CCDC83: variants seen among roughly 807,000 people sequenced by gnomAD.
CCDC83 encodes coiled-coil domain containing 83, also known as coiled-coil domain-containing protein 83.
A neutral mutation model predicts 50.1 loss-of-function variants in CCDC83; 54 were observed. The observed-to-expected ratio is 1.08, with a 90% CI of 0.87 to 1.35. CCDC83 has a LOEUF of 1.35. Among genes scored for constraint, CCDC83 ranks in the 40% most tolerant of loss-of-function variants. The probability of loss-of-function intolerance (pLI) is 0.00; values close to 1 mark genes in which losing one functional copy is unlikely to be tolerated. For missense variants in CCDC83, 518 were observed against 473.9 expected, an observed-to-expected ratio of 1.09 and a Z score of -0.86; for synonymous variants, 161 against 153.3, an observed-to-expected ratio of 1.05 and a Z score of -0.37.
intron 5 of CCDC83, among the ~76,000 whole-genome samples, chr11:85,891,537 C>T (rs868734897): frequency 1.1e-4 from 17 of 152,192 alleles, no homozygotes; most frequent in African/African-American, 3.1e-4. Flanking sequence ...ATTACAGTCA[C>T]AGAGCATTTT....
At chr11:85,867,582 C>T (rs1006812096) in intron 2 of CCDC83, among the ~76,000 whole-genome samples, 6 of 152,190 alleles carry the variant, frequency 3.9e-5, no homozygotes, top group Admixed American at 1.3e-4. Context: ...TATTCATACT[C>T]ATTTCTCAAC....
At chr11:85,898,877 C>A (rs779600367) in intron 6 of CCDC83, 70 bp from the exon 7 acceptor site, 3 of 976,692 alleles carry the variant, frequency 3.1e-6, no homozygotes, top group Admixed American at 1.9e-5. Context: ...AGAATAACTG[C>A]ACATCACTAT....
At chr11:85,917,159 AGAGAGAG>A (rs2093482153) in intron 10 of CCDC83, among the ~76,000 whole-genome samples, 1 of 101,720 alleles carries the variant, frequency 9.8e-6, no homozygotes, top group Non-Finnish European at 2.1e-5. Flanking sequence ...AGAGAGAGAG[AGAGAGAG>A]AGAAAGAAAG....
At chr11:85,917,204 A>AAGAC (rs1279738873) in intron 10 of CCDC83, among the ~76,000 whole-genome samples, 1 of 129,018 alleles carries the variant, frequency 7.8e-6, no homozygotes, top group East Asian at 2.0e-4. Context: ...GAAAGAAAGA[A>AAGAC]AGAAGGAAAG....
rs1031054852 is a variant in CCDC83 at position 85,901,636 on chromosome 11, C to G, written c.672+2621C>G. Among the ~76,000 whole-genome samples the G allele has an allele frequency of 3.6e-4, 38 of 106,970 alleles. 1 individual carries two copies. The highest frequency in any genetic ancestry group is 1.4e-3 in the African/African-American group (35 of 25,306). The allele number at this position is 106,970 out of a possible 152,430, so 70.2% of individuals were successfully genotyped here. A position where few individuals can be genotyped will look rare whatever the true frequency, so the allele number is the denominator to read the frequency against. On this transcript the variant is annotated intron_variant, in intron 7 of 10. Transcript: ENST00000342404. ...ACAAATCTCAAAACAGGGAAGACCA[C>G]AATACAAAAAAAAAAAAGGAAGAAG...
At chr11:85,882,404 CA>C (rs1384081296) in intron 3 of CCDC83, 108 bp from the exon 4 acceptor site, 1 of 986,748 alleles carries the variant, frequency 1.0e-6, no homozygotes, top group Non-Finnish European at 1.5e-6. Flanking sequence ...CCAGGCTTCC[CA>C]CTTGCCTTCC....
intron 4 of CCDC83, among the ~76,000 whole-genome samples, chr11:85,885,904 G>A (rs943251959): frequency 9.2e-5 from 14 of 152,140 alleles, no homozygotes; most frequent in Non-Finnish European, 1.5e-4. Context: ...CCCTTATCAG[G>A]AATGATGTAA....
chr11:85,912,566 C>G, intron 8 of CCDC83: 1 of 795,810 alleles, frequency 1.3e-6, no homozygotes, highest in South Asian at 1.4e-5. Flanking sequence ...TGAGCTGATG[C>G]CCTAGAGGGC....
chr11:85,882,544 A>T lies in CCDC83; in HGVS notation c.212A>T (p.His71Leu). ...CGCTTAAAAGAAGAACAGATTTGGC[A>T]CATACGGCATCTACTAAAGGAACTG... ...NSRLKEEQIWHIRHLLKELSE... is the reference protein window; with the variant it reads ...NSRLKEEQIWLIRHLLKELSE... The change falls in exon 4 of 11, where the codon CAC becomes CTC. Residue 71 changes from histidine (H) to leucine (L), a missense_variant. His to Leu is a moderately conservative substitution (Grantham distance 99, BLOSUM62 -3). Coordinates refer to ENST00000342404, the MANE Select transcript of CCDC83 (RefSeq NM_001286159.2). 1.2e-6 allele frequency: 2 copies of T among 1,613,980 alleles called. No individual in the cohort carries two copies. Among genetic ancestry groups the T allele is most frequent in the Non-Finnish European group, 1.7e-6 (2 of 1,179,896 alleles).
chr11:85,909,017 T>A (rs573440864), intron 7 of CCDC83, among the ~76,000 whole-genome samples: 1 of 152,192 alleles, frequency 6.6e-6, no homozygotes, highest in Non-Finnish European at 1.5e-5. Flanking sequence ...CACTGTAACA[T>A]TGAACTTCTG....
intron 5 of CCDC83, among the ~76,000 whole-genome samples, chr11:85,888,269 G>GGATACCTATT (rs1425408112): frequency 6.6e-6 from 1 of 152,276 alleles, no homozygotes; most frequent in Admixed American, 6.5e-5. Context: ...GTATGCATGA[G>GGATACCTATT]GATACCTATT....
At chr11:85,896,091 T>C (rs2093373716) in intron 6 of CCDC83, among the ~76,000 whole-genome samples, 1 of 152,152 alleles carries the variant, frequency 6.6e-6, no homozygotes, top group Non-Finnish European at 1.5e-5. Flanking sequence ...GGAATATTTG[T>C]ATTATACCAG....
At chr11:85,915,349 A>C (rs2093472764) in intron 8 of CCDC83, 70 bp from the exon 9 acceptor site, 1 of 1,067,310 alleles carries the variant, frequency 9.4e-7, no homozygotes, top group African/African-American at 1.6e-5. Context: ...TAGTAGAGAG[A>C]TAGACCCTAG....
chr11:85,855,244 C>G (rs2093132510), upstream of CCDC83: 4 of 152,392 alleles, frequency 2.6e-5, no homozygotes, highest in Admixed American at 2.6e-4. Context: ...GGCCTCTTTT[C>G]TTGGCCCCCG....
At chr11:85,860,285 GA>G (rs2093168157) in intron 1 of CCDC83, among the ~76,000 whole-genome samples, 1 of 134,440 alleles carries the variant, frequency 7.4e-6, no homozygotes, top group Non-Finnish European at 1.5e-5. Flanking sequence ...CTGGGCAACA[GA>G]GTGAGACTCC....
intron 5 of CCDC83, among the ~76,000 whole-genome samples, chr11:85,888,354 TCTCATTGTAG>T (rs1311201449): frequency 6.6e-6 from 1 of 152,200 alleles, no homozygotes; most frequent in Non-Finnish European, 1.5e-5. Flanking sequence ...GAAAATGGTA[TCTCATTGTAG>T]TTTTAATTTC....
intron 2 of CCDC83, among the ~76,000 whole-genome samples, chr11:85,869,995 C>G (rs1268385389): frequency 2.0e-5 from 3 of 152,204 alleles, no homozygotes; most frequent in Non-Finnish European, 1.5e-5. Context: ...AGGCCTGCTG[C>G]TGCCACTCAC....
Position 85,882,523 on chromosome 11 carries a change from TAAA to T in CCDC83, c.193_195del (p.Lys65del). The T allele has an allele frequency of 1.2e-6, 2 of 1,613,554 alleles. No homozygotes were observed. Among genetic ancestry groups the T allele is most frequent in the Non-Finnish European group, 1.7e-6 (2 of 1,179,742 alleles). On this transcript the variant is annotated inframe_deletion, in exon 4 of 11. Transcript: ENST00000342404. ...TGATTTTCATGACAGAATAGCCGCT[TAAA>T]AGAAGAACAGATTTGGCACATACGG...
intron 1 of CCDC83, among the ~76,000 whole-genome samples, chr11:85,863,392 G>A (rs1325695830): frequency 1.3e-5 from 2 of 152,114 alleles, no homozygotes; most frequent in Non-Finnish European, 2.9e-5. Flanking sequence ...TTTGGTGGGA[G>A]CCTATTAAAT....
Sources: allele counts gnomAD v4.1 joint callset (sites outside exome capture counted in the v4.1 genomes callset), GRCh38; gene constraint gnomAD v4.1.1; transcripts MANE v1.5; gene names NCBI Gene and HGNC (gene_info 2026-07-23, HGNC 2026-07-21).